SEPTIN10: variants seen among roughly 807,000 people sequenced by gnomAD.
SEPTIN10 encodes the protein septin 10.
A neutral mutation model predicts 54.8 loss-of-function variants in SEPTIN10; 66 were observed. That is an observed-to-expected ratio of 1.21 (90% CI 0.99 to 1.48). SEPTIN10 has a LOEUF of 1.48. Ranked by LOEUF, SEPTIN10 falls within the 40% of genes most tolerant of loss-of-function variation. SEPTIN10 has a pLI of 0.00. For synonymous variants in SEPTIN10, 161 were observed against 181.0 expected (o/e 0.89, Z 0.89); for missense variants, 620 against 545.6 (o/e 1.14, Z -1.36).
chr2:109,572,105 G>C (rs1042889810), intron 5 of SEPTIN10, among the ~76,000 whole-genome samples: 2 of 152,158 alleles, frequency 1.3e-5, no homozygotes, highest in Non-Finnish European at 2.9e-5. Flanking sequence ...AAAAGTCTTA[G>C]AGTGAGCTCT....
chr2:109,585,072 G>A (rs1332939543), intron 4 of SEPTIN10, 54 bp downstream of exon 4: 16 of 1,120,046 alleles, frequency 1.4e-5, no homozygotes, highest in Non-Finnish European at 2.0e-5. Flanking sequence ...GGGCTATAAG[G>A]CGAATGTCTT....
At chr2:109,562,127 C>T (rs1201748351) in intron 8 of SEPTIN10, among the ~76,000 whole-genome samples, 3 of 151,946 alleles carry the variant, frequency 2.0e-5, no homozygotes, top group Non-Finnish European at 2.9e-5. Flanking sequence ...GCATGAGAAT[C>T]GCTTGAACCC....
rs141505908 is a variant in SEPTIN10 at position 109,596,822 on chromosome 2, TGA to T, written c.31-3705_31-3704del. On this transcript the variant is annotated intron_variant, in intron 1 of 10. Coordinates refer to ENST00000397712, the MANE Select transcript of SEPTIN10 (RefSeq NM_144710.5). ...AAATGTTTTGATTAGTAAGTTTAAA[TGA>T]GTCACATTAAAGTAATATGAATAAT... is the stretch of plus-strand genomic sequence containing the variant. Among the ~76,000 whole-genome samples, 1,507 of 152,344 alleles carry T rather than the reference TGA, an allele frequency of 9.9e-3. 33 individuals are homozygous for T. Among genetic ancestry groups the T allele is most frequent in the African/African-American group, 0.035 (1,442 of 41,574 alleles).
At chr2:109,567,092 A>C (rs2105247171) in intron 6 of SEPTIN10, among the ~76,000 whole-genome samples, 2 of 152,328 alleles carry the variant, frequency 1.3e-5, no homozygotes, top group Middle Eastern at 3.4e-3. Context: ...AATAGAAGAA[A>C]TGGAATGAAC....
At chr2:109,568,102 A>C in intron 5 of SEPTIN10, 126 bp from the exon 6 acceptor site, 1 of 678,858 alleles carries the variant, frequency 1.5e-6, no homozygotes, top group Non-Finnish European at 2.5e-6. Flanking sequence ...GGGGGCTGGC[A>C]AACTACGGTC....
At chr2:109,579,954 CT>C (rs1690700959) in intron 4 of SEPTIN10, among the ~76,000 whole-genome samples, 1 of 151,660 alleles carries the variant, frequency 6.6e-6, no homozygotes, top group Admixed American at 6.6e-5. Context: ...AACCCTGTCT[CT>C]ACTAAAAATA....
At chr2:109,584,834 A>C (rs1692098471) in intron 4 of SEPTIN10, among the ~76,000 whole-genome samples, 1 of 152,148 alleles carries the variant, frequency 6.6e-6, no homozygotes, top group Non-Finnish European at 1.5e-5. Flanking sequence ...AAATTAGTAT[A>C]ATTAATATAC....
chr2:109,581,788 A>G (rs1007521489), intron 4 of SEPTIN10, among the ~76,000 whole-genome samples: 60 of 152,226 alleles, frequency 3.9e-4, no homozygotes, highest in Non-Finnish European at 7.3e-5. Context: ...TGAGCTCACC[A>G]TTCTTATTTC....
chr2:109,613,688 G>C, intron 1 of SEPTIN10, 110 bp downstream of exon 1: 1 of 729,872 alleles, frequency 1.4e-6, no homozygotes. Context: ...GGCCGGAGGG[G>C]GCGCGGGTCA....
chr2:109,565,790 G>C lies in SEPTIN10; in HGVS notation c.832C>G (p.Arg278Gly). The change falls in exon 7 of 11, where the codon CGC becomes GGC. Residue 278 changes from arginine to glycine, a missense_variant. Physicochemically the swap from Arg to Gly is moderately radical, Grantham distance 125. Coordinates refer to ENST00000397712, the MANE Select transcript of SEPTIN10 (RefSeq NM_144710.5). ...VKVGNKMVKARQYPWGVVQVE... is the reference protein window; with the variant it reads ...VKVGNKMVKAGQYPWGVVQVE... Reference sequence around the variant, plus strand: ...TGTACAACACCCCAAGGGTACTGGCGAGCTTTGACCATCTTGTTTCCGACT... The same window carrying C: ...TGTACAACACCCCAAGGGTACTGGCCAGCTTTGACCATCTTGTTTCCGACT... The C allele has an allele frequency of 6.2e-7, 1 of 1,613,900 alleles. No individual in the cohort carries two copies. The highest frequency in any genetic ancestry group is 2.2e-5 in the East Asian group (1 of 44,884).
At chr2:109,584,710 G>A (rs1433059229) in intron 4 of SEPTIN10, among the ~76,000 whole-genome samples, 2 of 151,966 alleles carry the variant, frequency 1.3e-5, no homozygotes, top group African/African-American at 2.4e-5. Flanking sequence ...TAATGTAACT[G>A]GCTAATTTGA....
intron 9 of SEPTIN10, among the ~76,000 whole-genome samples, chr2:109,550,121 T>A (rs542915028): frequency 1.3e-5 from 2 of 151,658 alleles, no homozygotes; most frequent in African/African-American, 4.8e-5. Context: ...AGAAACCCCA[T>A]CTCTACTAAA....
At chr2:109,609,114 C>A (rs4953844) in intron 1 of SEPTIN10, among the ~76,000 whole-genome samples, 139,242 of 152,302 alleles carry the variant, frequency 0.91, 63,805 homozygotes, top group Middle Eastern at 0.97. Context: ...CGGTCTGGGA[C>A]TATCTGAAAA....
chr2:109,598,639 T>C (rs1179240314), intron 1 of SEPTIN10, among the ~76,000 whole-genome samples: 1 of 151,550 alleles, frequency 6.6e-6, no homozygotes, highest in African/African-American at 2.4e-5. Flanking sequence ...GGTCAGGAGG[T>C]CAACACCAGC....
At chr2:109,572,362 T>C (rs903889280) in intron 5 of SEPTIN10, among the ~76,000 whole-genome samples, 2 of 152,188 alleles carry the variant, frequency 1.3e-5, no homozygotes, top group South Asian at 4.1e-4. Context: ...CTCGATCTCC[T>C]GACCTTGTGA....
intron 9 of SEPTIN10, among the ~76,000 whole-genome samples, chr2:109,551,001 T>G (rs1436255576): frequency 6.6e-6 from 1 of 152,344 alleles, no homozygotes; most frequent in African/African-American, 2.4e-5. Context: ...ACCTGAGGGA[T>G]AAATATAAAC....
chr2:109,590,548 C>T (rs985177692), intron 2 of SEPTIN10, among the ~76,000 whole-genome samples: 1 of 152,066 alleles, frequency 6.6e-6, no homozygotes, highest in Admixed American at 6.6e-5. Context: ...TCTCCTGCCT[C>T]AGCCTCTCGA....
intron 6 of SEPTIN10, 105 bp from the exon 7 acceptor site, chr2:109,565,964 T>A: frequency 9.8e-7 from 1 of 1,020,918 alleles, no homozygotes; most frequent in Non-Finnish European, 1.5e-6. Context: ...ACAAACCTAT[T>A]AAAATCGAAT....
chr2:109,552,264 G>T (rs1326528998), intron 9 of SEPTIN10, among the ~76,000 whole-genome samples: 1 of 152,180 alleles, frequency 6.6e-6, no homozygotes, highest in Non-Finnish European at 1.5e-5. Context: ...GGGGACCACT[G>T]ATCTAGACCA....
Sources: gnomAD v4.1 joint callset for allele counts (sites outside exome capture counted in the v4.1 genomes callset) on GRCh38, gnomAD v4.1.1 for gene constraint, MANE v1.5 for transcripts, NCBI Gene and HGNC (gene_info 2026-07-23, HGNC 2026-07-21) for gene names.